Variants in PAK5 observed in about 807,000 individuals in gnomAD.
PAK5 encodes the protein p21 (RAC1) activated kinase 5.
Under a neutral mutation model 65.9 loss-of-function variants are expected in PAK5, and 16 were observed. The ratio of observed to expected loss-of-function variants is 0.24; its 90% CI spans 0.16 to 0.37. The LOEUF is 0.37. Among genes scored for constraint, PAK5 ranks in the 10% least tolerant of loss-of-function variants. The pLI, the probability that PAK5 is intolerant of heterozygous loss-of-function variation, is 1.00. For synonymous variants in PAK5, 371 were observed against 354.9 expected, an observed-to-expected ratio of 1.05 and a Z score of -0.51; for missense variants, 785 against 903.9, an observed-to-expected ratio of 0.87 and a Z score of 1.69.
chr20:9,712,281 T>C (rs538796169), intron 1 of PAK5, among the ~76,000 whole-genome samples: 1 of 152,330 alleles, frequency 6.6e-6, no homozygotes, highest in Admixed American at 6.5e-5. Context: ...ATGCGGATTA[T>C]ACAAATTCCC....
intron 3 of PAK5, among the ~76,000 whole-genome samples, chr20:9,627,300 C>T (rs558275463): frequency 6.6e-6 from 1 of 152,308 alleles, no homozygotes; most frequent in South Asian, 2.1e-4. Context: ...TGCTCCTTTT[C>T]CCCACCCCTA....
At chr20:9,772,245 G>C (rs6056858) in intron 1 of PAK5, among the ~76,000 whole-genome samples, 117,636 of 152,142 alleles carry the variant, frequency 0.77, 45,511 homozygotes, top group East Asian at 0.87. Flanking sequence ...CAAGAGATTA[G>C]TGGTGACCCT....
chr20:9,733,733 C>G (rs1292300996), intron 1 of PAK5, among the ~76,000 whole-genome samples: 1 of 152,156 alleles, frequency 6.6e-6, no homozygotes, highest in Admixed American at 6.6e-5. Flanking sequence ...GTGTGAGACA[C>G]CGCACCTGGC....
chr20:9,713,312 A>C (rs962783702), intron 1 of PAK5, among the ~76,000 whole-genome samples: 4 of 152,152 alleles, frequency 2.6e-5, no homozygotes, highest in Non-Finnish European at 4.4e-5. Flanking sequence ...CCACAATGAG[A>C]TATTATCACA....
intron 3 of PAK5, among the ~76,000 whole-genome samples, chr20:9,629,759 A>C (rs1378177352): frequency 6.6e-6 from 1 of 152,194 alleles, no homozygotes; most frequent in Non-Finnish European, 1.5e-5. Flanking sequence ...TCAATGTATA[A>C]AGTTTGGGAG....
At chr20:9,560,226 G>A (rs372233852) in intron 6 of PAK5, among the ~76,000 whole-genome samples, 230 of 152,290 alleles carry the variant, frequency 1.5e-3, no homozygotes, top group African/African-American at 5.0e-3. Flanking sequence ...CTGGAGAATC[G>A]TTGGTGCATT....
intron 1 of PAK5, among the ~76,000 whole-genome samples, chr20:9,717,947 T>C (rs898800797): frequency 6.6e-6 from 1 of 152,048 alleles, no homozygotes; most frequent in Admixed American, 6.5e-5. Context: ...TTAAATAGAT[T>C]CTCTGGACAT....
intron 6 of PAK5, among the ~76,000 whole-genome samples, chr20:9,562,372 G>A (rs2045604238): frequency 6.6e-6 from 1 of 152,204 alleles, no homozygotes; most frequent in South Asian, 2.1e-4. Flanking sequence ...GCACATCAGG[G>A]AGGCAAATAG....
intron 1 of PAK5, among the ~76,000 whole-genome samples, chr20:9,804,298 C>T (rs2049205304): frequency 6.6e-6 from 1 of 152,138 alleles, no homozygotes; most frequent in African/African-American, 2.4e-5. Context: ...TACTGACTCT[C>T]CAAGATCAGC....
chr20:9,675,758 G>C (rs6118695), intron 2 of PAK5, among the ~76,000 whole-genome samples: 3 of 152,022 alleles, frequency 2.0e-5, no homozygotes, highest in African/African-American at 7.2e-5. Flanking sequence ...AAAGAAGAAA[G>C]GCAAACTATA....
chr20:9,623,476 G>T (rs556036855), intron 3 of PAK5, among the ~76,000 whole-genome samples: 1 of 152,260 alleles, frequency 6.6e-6, no homozygotes, highest in South Asian at 2.1e-4. Context: ...AAGTAGATGA[G>T]TTATGATACT....
intron 3 of PAK5, among the ~76,000 whole-genome samples, chr20:9,601,174 C>A (rs2046353004): frequency 6.6e-6 from 1 of 152,174 alleles, no homozygotes; most frequent in Non-Finnish European, 1.5e-5. Context: ...TCCCATCTAT[C>A]TTTCCCACAG....
chr20:9,626,922 ATG>A lies in PAK5; in HGVS notation c.204+17201_204+17202del, dbSNP rs879630919. On this transcript the variant is annotated intron_variant, in intron 3 of 9. Coordinates refer to ENST00000353224, the MANE Select transcript of PAK5 (RefSeq NM_177990.4). ...CACCCTTTCGTGTATGTGTACGCACATGTGTCTGTGTTAAAATGGTGTAAAAA... is the reference window on the plus strand; with the variant it reads ...CACCCTTTCGTGTATGTGTACGCACATGTCTGTGTTAAAATGGTGTAAAAA... Among the ~76,000 whole-genome samples the A allele has an allele frequency of 2.2e-3, 339 of 152,104 alleles. 2 individuals are homozygous for A. The highest frequency in any genetic ancestry group is 7.5e-3 in the African/African-American group (310 of 41,364).
chr20:9,645,767 T>C (rs1569018300), intron 2 of PAK5, among the ~76,000 whole-genome samples: 1 of 152,164 alleles, frequency 6.6e-6, no homozygotes, highest in Non-Finnish European at 1.5e-5. Flanking sequence ...TCTGTATTTT[T>C]AGTAGAGATG....
At chr20:9,654,385 A>G (rs1431863504) in intron 2 of PAK5, among the ~76,000 whole-genome samples, 1 of 152,132 alleles carries the variant, frequency 6.6e-6, no homozygotes, top group Non-Finnish European at 1.5e-5. Flanking sequence ...AAGTTATCTT[A>G]TTAGCAACCT....
chr20:9,821,178 C>T (rs1463964000), intron 1 of PAK5, among the ~76,000 whole-genome samples: 2 of 152,008 alleles, frequency 1.3e-5, no homozygotes, highest in African/African-American at 4.8e-5. Context: ...GTCAGGAGTT[C>T]GAGACCAGCC....
intron 3 of PAK5, among the ~76,000 whole-genome samples, chr20:9,582,689 G>T: frequency 6.6e-6 from 1 of 152,146 alleles, no homozygotes; most frequent in South Asian, 2.1e-4. Context: ...GTGTGTGTGT[G>T]TGGTGGGGGT....
intron 1 of PAK5, among the ~76,000 whole-genome samples, chr20:9,719,230 G>A (rs1400795052): frequency 2.6e-5 from 4 of 152,072 alleles, no homozygotes; most frequent in African/African-American, 9.7e-5. Flanking sequence ...ATGACATACG[G>A]GACTGCATTT....
intron 1 of PAK5, among the ~76,000 whole-genome samples, chr20:9,725,950 T>A (rs1194311505): frequency 3.3e-5 from 5 of 152,138 alleles, no homozygotes; most frequent in Non-Finnish European, 7.4e-5. Context: ...AGAAAAAAAA[T>A]TAATTTGACA....
Sources: gnomAD v4.1 joint callset for allele counts (sites outside exome capture counted in the v4.1 genomes callset) on GRCh38, gnomAD v4.1.1 for gene constraint, MANE v1.5 for transcripts, NCBI Gene and HGNC (gene_info 2026-07-23, HGNC 2026-07-21) for gene names.